Variants in ILRUN observed in about 807,000 individuals in gnomAD.
ILRUN encodes the protein inflammation and lipid regulator with UBA-like and NBR1-like domains.
A neutral mutation model predicts 33.8 loss-of-function variants in ILRUN; 3 were observed. That is an observed-to-expected ratio of 0.09 (90% CI 0.04 to 0.23). The LOEUF is 0.23. ILRUN is among the 10% of genes least tolerant of loss of function. The probability of loss-of-function intolerance (pLI) is 1.00; values close to 1 mark genes in which losing one functional copy is unlikely to be tolerated. For synonymous variants in ILRUN, 124 were observed against 138.9 expected (o/e 0.89, Z 0.75); for missense variants, 210 against 375.1 (o/e 0.56, Z 3.64).
At chr6:34,673,332 A>G (rs1763154898) in intron 1 of ILRUN, among the ~76,000 whole-genome samples, 1 of 152,198 alleles carries the variant, frequency 6.6e-6, no homozygotes, top group Admixed American at 6.5e-5. Context: ...CGTTCTAGAA[A>G]AGAATTCTTC....
Position 34,606,605 on chromosome 6 carries a change from G to A in ILRUN, c.811C>T (p.Leu271=). Residue 271 remains leucine (L), a synonymous_variant, in exon 4 of 5, where the codon CTG becomes TTG. Coordinates refer to ENST00000374023, the MANE Select transcript of ILRUN (RefSeq NM_024294.4). ...TTGTTTGCGTGACTGCTGGGAGACA[G>A]ATTTACAGAGTTCTGTGACAGTCTA... ...QNRLSQNSVN[L]SPSSHANNLS... is the part of the protein sequence containing the mutation. 1 of 1,614,182 alleles carries A rather than the reference G, an allele frequency of 6.2e-7. No individual in the cohort carries two copies. The highest frequency in any genetic ancestry group is 1.3e-5 in the African/African-American group (1 of 75,046).
chr6:34,608,382 C>CA lies in ILRUN; in HGVS notation c.512-1479dup, dbSNP rs914648339. 6.0e-5 allele frequency among the ~76,000 whole-genome samples: 9 copies of CA among 149,020 alleles called. No homozygotes were observed. The East Asian group carries it at 1.2e-3, about 19-fold the overall frequency. On this transcript the variant is annotated intron_variant, in intron 3 of 4. Transcript: ENST00000374023. ...TAGTTGACACAGCAAGACTCCATCT[C>CA]AAAAAAAAATTAAAAAATTAAAAAA... is the stretch of plus-strand genomic sequence containing the variant.
Position 34,595,942 on chromosome 6 carries a change from A to G in ILRUN, c.862-5342T>C, listed in dbSNP as rs529829064. 38 of 983,660 alleles carry G rather than the reference A, an allele frequency of 3.9e-5. No homozygotes were observed. The African/African-American group carries it at 6.3e-4, about 16-fold the overall frequency. The allele number at this position is 983,660 out of a possible 1,614,324, so 60.9% of individuals were successfully genotyped here. Reference sequence around the variant, plus strand: ...GCCTAGTGCTCCTTTTGTATCACTTATGTACACTGAATGCAAACACAGAAG... The same window carrying G: ...GCCTAGTGCTCCTTTTGTATCACTTGTGTACACTGAATGCAAACACAGAAG... On this transcript the variant is annotated intron_variant, in intron 4 of 4. Transcript: ENST00000374023.
chr6:34,676,149 C>T (rs544276955), intron 1 of ILRUN, among the ~76,000 whole-genome samples: 20 of 152,180 alleles, frequency 1.3e-4, no homozygotes, highest in African/African-American at 3.4e-4. Flanking sequence ...GGTAGCTCAT[C>T]CCAGTAACTC....
intron 1 of ILRUN, among the ~76,000 whole-genome samples, chr6:34,674,574 A>T (rs1436200953): frequency 6.6e-6 from 1 of 152,224 alleles, no homozygotes; most frequent in African/African-American, 2.4e-5. Context: ...CCCAAAAATC[A>T]GTTGAAAGAA....
At chr6:34,593,946 C>A (rs536195017) in intron 4 of ILRUN, among the ~76,000 whole-genome samples, 25 of 152,244 alleles carry the variant, frequency 1.6e-4, no homozygotes, top group African/African-American at 3.9e-4. Context: ...AAGACCATCG[C>A]GGTACCTTCT....
In ILRUN at chr6:34,621,690, G is replaced by A. The variant is rs150714356; in HGVS notation, c.512-14786C>T. 2.5e-3 allele frequency among the ~76,000 whole-genome samples: 386 copies of A among 151,958 alleles called. 1 individual carries two copies. The highest frequency in any genetic ancestry group is 8.3e-3 in the African/African-American group (342 of 41,448). ...CCTGGCTAAACATGGTGAAACCCCCGTCTCTACTAAAAATACAAAAAATTA... is the reference window on the plus strand; with the variant it reads ...CCTGGCTAAACATGGTGAAACCCCCATCTCTACTAAAAATACAAAAAATTA... On this transcript the variant is annotated intron_variant, in intron 3 of 4. Transcript: ENST00000374023.
At chr6:34,630,617 C>T (rs1052502314) in intron 3 of ILRUN, among the ~76,000 whole-genome samples, 6 of 152,256 alleles carry the variant, frequency 3.9e-5, no homozygotes, top group South Asian at 2.1e-4. Context: ...CTCTTGACCT[C>T]GTGATCCGCC....
chr6:34,646,677 C>T lies in ILRUN; in HGVS notation c.435G>A (p.Gln145=). Residue 145 remains glutamine (Q), a synonymous_variant, in exon 3 of 5, where the codon CAG becomes CAA. Transcript: ENST00000374023. This position sits in a 1 kb window ranked among gnomAD's most constrained non-coding sequence, Gnocchi z 4.9. Reference sequence around the variant, plus strand: ...TTCCTGCTCTGCTGGGGCTGCACATCTGGACGCTGACATCTGCAATCTCTT... The same window carrying T: ...TTCCTGCTCTGCTGGGGCTGCACATTTGGACGCTGACATCTGCAATCTCTT... The part of the protein sequence containing the change: ...EPQEIADVSV[Q]MCSPSRAGMY... 2 of 1,614,212 alleles carry T rather than the reference C, an allele frequency of 1.2e-6. No individual in the cohort carries two copies. The highest frequency in any genetic ancestry group is 1.7e-6 in the Non-Finnish European group (2 of 1,180,042).
intron 3 of ILRUN, among the ~76,000 whole-genome samples, chr6:34,614,659 TGA>T (rs879318944): frequency 5.3e-5 from 8 of 151,540 alleles, no homozygotes; most frequent in Non-Finnish European, 1.0e-4. Flanking sequence ...ATTCCCTCCT[TGA>T]GAGTGGGCTA....
Position 34,588,028 on chromosome 6 carries a change from C to G in ILRUN, c.*2537G>C. On this transcript the variant is annotated 3_prime_UTR_variant, in exon 5 of 5. Coordinates refer to ENST00000374023, the MANE Select transcript of ILRUN (RefSeq NM_024294.4). ...AGGTAGCCACTACCACCCCACTAGGCAGGGGAGCAGAGAGGGGCCCTAGGC... is the reference window on the plus strand; with the variant it reads ...AGGTAGCCACTACCACCCCACTAGGGAGGGGAGCAGAGAGGGGCCCTAGGC... 2.5e-6 allele frequency: 1 copy of G among 398,708 alleles called. No individual in the cohort carries two copies. The highest frequency in any genetic ancestry group is 4.4e-5 in the Admixed American group (1 of 22,736). 24.7% of individuals were successfully genotyped at this position (398,708 alleles called of 1,614,324 possible).
At chr6:34,658,657 C>T (rs1762826557) in intron 1 of ILRUN, among the ~76,000 whole-genome samples, 2 of 151,734 alleles carry the variant, frequency 1.3e-5, no homozygotes, top group Non-Finnish European at 1.5e-5. Context: ...AAATACAAAA[C>T]TTAGCTGGGC....
intron 3 of ILRUN, among the ~76,000 whole-genome samples, chr6:34,620,185 AT>A (rs1761984561): frequency 6.6e-6 from 1 of 152,072 alleles, no homozygotes; most frequent in African/African-American, 2.4e-5. Context: ...ATCTAAATAT[AT>A]TACGTAAATA....
chr6:34,600,698 A>C (rs1761490029), intron 4 of ILRUN, among the ~76,000 whole-genome samples: 2 of 152,212 alleles, frequency 1.3e-5, no homozygotes, highest in Admixed American at 6.5e-5. Context: ...CCCTTCTTGG[A>C]GGCTAGAGAG....
chr6:34,591,637 C>T (rs1276920450), intron 4 of ILRUN, among the ~76,000 whole-genome samples: 2 of 152,066 alleles, frequency 1.3e-5, no homozygotes. Flanking sequence ...GTAGCTGGCA[C>T]TACAGGCGCC....
At chr6:34,643,953 C>T (rs988718844) in intron 3 of ILRUN, among the ~76,000 whole-genome samples, 1 of 152,198 alleles carries the variant, frequency 6.6e-6, no homozygotes, top group Non-Finnish European at 1.5e-5. Flanking sequence ...ATGCCCACCT[C>T]GGCCTCCCAG....
At chr6:34,654,828 A>G (rs1355308997) in intron 1 of ILRUN, 49 bp from the exon 2 acceptor site, 1 of 1,505,840 alleles carries the variant, frequency 6.6e-7, no homozygotes, top group South Asian at 1.3e-5. Flanking sequence ...TCCAGATATT[A>G]TCCTAATTGT....
chr6:34,658,490 C>CTATTTTT (rs1762821458), intron 1 of ILRUN, among the ~76,000 whole-genome samples: 1 of 130,888 alleles, frequency 7.6e-6, no homozygotes, highest in East Asian at 2.2e-4. Flanking sequence ...TTTTCTTTTT[C>CTATTTTT]TTTTTTTTTT....
intron 1 of ILRUN, among the ~76,000 whole-genome samples, chr6:34,659,007 A>C (rs1195558596): frequency 2.0e-5 from 3 of 152,226 alleles, no homozygotes; most frequent in African/African-American, 7.2e-5. Context: ...TCATTCAACA[A>C]ATATTTAATG....
Sources: allele counts gnomAD v4.1 joint callset (sites outside exome capture counted in the v4.1 genomes callset), GRCh38; gene constraint gnomAD v4.1.1; non-coding constraint Gnocchi (gnomAD v3.1); transcripts MANE v1.5; gene names NCBI Gene and HGNC (gene_info 2026-07-23, HGNC 2026-07-21).